Variants in FBN1 observed in about 807,000 individuals in gnomAD.
FBN1 encodes the protein fibrillin-1.
Under a neutral mutation model 365.1 loss-of-function variants are expected in FBN1, and 29 were observed. The ratio of observed to expected loss-of-function variants is 0.08; its 90% CI spans 0.06 to 0.11. The LOEUF is 0.11. Among genes scored for constraint, FBN1 ranks in the 10% least tolerant of loss-of-function variants. FBN1 has a pLI of 1.00. For synonymous variants in FBN1, 1,210 were observed against 1,270.5 expected, an observed-to-expected ratio of 0.95 and a Z score of 1.01; for missense variants, 2,476 against 3,703.2, an observed-to-expected ratio of 0.67 and a Z score of 8.60.
In FBN1 at chr15:48,545,733, A is replaced by G. The variant is rs75635432; in HGVS notation, c.539-7925T>C. 6.7e-3 allele frequency among the ~76,000 whole-genome samples: 1,014 copies of G among 152,308 alleles called. 11 individuals are homozygous for G. The highest frequency in any genetic ancestry group is 0.023 in the African/African-American group (964 of 41,566). On this transcript the variant is annotated intron_variant, in intron 6 of 65. Transcript: ENST00000316623. ...ATGTATACTTTAACACAATAAAAAG[A>G]AAATTCTAGCTGGCACAGTGGCTCA...
intron 32 of FBN1, among the ~76,000 whole-genome samples, chr15:48,479,666 T>C (rs1320699327): frequency 6.6e-6 from 1 of 152,204 alleles, no homozygotes; most frequent in Non-Finnish European, 1.5e-5. Context: ...GTTCATGTGA[T>C]TGACTCAAAG....
In FBN1 at chr15:48,465,875, T is replaced by C; in HGVS notation, c.4748-17A>G. The C allele has an allele frequency of 6.3e-7, 1 of 1,581,730 alleles. No individual in the cohort carries two copies. Among genetic ancestry groups the C allele is most frequent in the Non-Finnish European group, 8.7e-7 (1 of 1,150,940 alleles). On this transcript the variant is annotated splice_polypyrimidine_tract_variant and intron_variant, in intron 38 of 65. Transcript: ENST00000316623. ...TGTACTCGGCTATTGAAACAAAAAT[T>C]CAAATTGAGTTGTTTTGAATCTAAA...
At chr15:48,435,698 GTGTGTATATATA>G (rs2043061963) in intron 53 of FBN1, among the ~76,000 whole-genome samples, 1 of 111,430 alleles carries the variant, frequency 9.0e-6, no homozygotes, top group African/African-American at 3.1e-5. Context: ...GTGCATGTGT[GTGTGTATATATA>G]TGTGTGTATA....
intron 6 of FBN1, among the ~76,000 whole-genome samples, chr15:48,583,076 T>C (rs1386815185): frequency 6.6e-6 from 1 of 152,228 alleles, no homozygotes; most frequent in African/African-American, 2.4e-5. Flanking sequence ...TTCCTACACA[T>C]GCCCTTCTAA....
chr15:48,446,651 A>G, intron 47 of FBN1, 55 bp downstream of exon 47: 1 of 1,020,900 alleles, frequency 9.8e-7, no homozygotes, highest in Admixed American at 1.7e-5. Context: ...TGCTAATTAC[A>G]AAGAACACAT....
At chr15:48,515,356 C>A (rs374491221) in intron 12 of FBN1, 31 bp downstream of exon 12, 1 of 1,613,276 alleles carries the variant, frequency 6.2e-7, no homozygotes, top group Admixed American at 1.7e-5. Flanking sequence ...TACAACAGAC[C>A]CTTGGTGCCA....
At chr15:48,501,359 A>C (rs1361621212) in intron 17 of FBN1, among the ~76,000 whole-genome samples, 1 of 151,768 alleles carries the variant, frequency 6.6e-6, no homozygotes, top group Non-Finnish European at 1.5e-5. Context: ...GCTTTCTCTC[A>C]CTCCTGCATG....
rs1179482983 is a variant in FBN1, at chr15:48,425,325, T to C, written c.7453+44A>G. 5 of 1,613,684 alleles carry C rather than the reference T, an allele frequency of 3.1e-6. No individual in the cohort carries two copies. In the East Asian group the frequency reaches 6.7e-5, roughly 22 times the overall value. ...TCTTACAGGCAAAGGAATGCAGCCA[T>C]GTGTCAGGAGCTAGGTGAGGGGCAA... On this transcript the variant is annotated intron_variant, in intron 60 of 65. Coordinates refer to ENST00000316623, the MANE Select transcript of FBN1 (RefSeq NM_000138.5).
chr15:48,568,134 A>T (rs1489274673), intron 6 of FBN1, among the ~76,000 whole-genome samples: 1 of 146,582 alleles, frequency 6.8e-6, no homozygotes, highest in Non-Finnish European at 1.5e-5. Flanking sequence ...AATCCTAAGG[A>T]ATCTACCAAA....
chr15:48,587,522 G>T (rs1319033407), intron 6 of FBN1, among the ~76,000 whole-genome samples: 3 of 152,068 alleles, frequency 2.0e-5, no homozygotes, highest in Non-Finnish European at 4.4e-5. Context: ...CCACAGAAGG[G>T]CTCCAGTACC....
intron 56 of FBN1, among the ~76,000 whole-genome samples, chr15:48,429,088 T>C (rs1414249275): frequency 6.6e-6 from 1 of 152,232 alleles, no homozygotes; most frequent in Non-Finnish European, 1.5e-5. Flanking sequence ...ACATAGATGG[T>C]AGCATTTTAT....
At chr15:48,620,598 T>C (rs946259231) in intron 2 of FBN1, among the ~76,000 whole-genome samples, 3 of 152,160 alleles carry the variant, frequency 2.0e-5, no homozygotes, top group African/African-American at 7.2e-5. Flanking sequence ...ATTACAATCT[T>C]CATTTTTTGT....
chr15:48,421,136 A>G (rs2042938545), intron 62 of FBN1, among the ~76,000 whole-genome samples: 1 of 151,988 alleles, frequency 6.6e-6, no homozygotes, highest in Admixed American at 6.6e-5. Flanking sequence ...TGTCAAAGCC[A>G]CAGTCAACTT....
intron 6 of FBN1, among the ~76,000 whole-genome samples, chr15:48,564,870 C>T (rs2140662359): frequency 6.6e-6 from 1 of 152,296 alleles, no homozygotes; most frequent in South Asian, 2.1e-4. Context: ...ACCTTTCCCC[C>T]AGGCTATCTA....
Position 48,644,759 on chromosome 15 carries a change from C to T in FBN1, c.11G>A (p.Gly4Glu). ...TCCCAGGGCGATCTCCAGCAGACGC[C>T]CTCGACGCATGATGCCGAGCCGCCA... Reference protein sequence around the residue: MRRGRLLEIALGFT... With the variant: MRRERLLEIALGFT... The change falls in exon 2 of 66, where the codon GGG becomes GAG. Residue 4 changes from glycine to glutamate, a missense_variant. This residue lies in a region of FBN1 where 76 missense variants were observed against 85.4 expected (regional missense o/e 0.89). Coordinates refer to ENST00000316623, the MANE Select transcript of FBN1 (RefSeq NM_000138.5). 1 of 1,611,242 alleles carries T rather than the reference C, an allele frequency of 6.2e-7. No homozygotes were observed. The highest frequency in any genetic ancestry group is 1.1e-5 in the South Asian group (1 of 91,072).
At chr15:48,464,613 T>G (rs1385818243) in intron 40 of FBN1, among the ~76,000 whole-genome samples, 1 of 152,140 alleles carries the variant, frequency 6.6e-6, no homozygotes, top group Non-Finnish European at 1.5e-5. Context: ...CCTAATAAAT[T>G]AACCTATAAT....
chr15:48,436,334 A>T (rs958327187), intron 53 of FBN1, among the ~76,000 whole-genome samples: 2 of 152,134 alleles, frequency 1.3e-5, no homozygotes, highest in African/African-American at 4.8e-5. Context: ...CTTGTATGGA[A>T]AAAGTACTTT....
chr15:48,529,046 A>T (rs1278807119), intron 8 of FBN1: 2 of 152,162 alleles, frequency 1.3e-5, no homozygotes, highest in Non-Finnish European at 2.9e-5. Context: ...TTTTAATTGA[A>T]TTTGAGGCAT....
chr15:48,497,070 C>T (rs957194459), intron 19 of FBN1, among the ~76,000 whole-genome samples, 196 bp downstream of exon 19: 3 of 152,128 alleles, frequency 2.0e-5, no homozygotes, highest in Non-Finnish European at 2.9e-5. Flanking sequence ...TCTGATACAT[C>T]GTTATTCATA....
Sources: gnomAD v4.1 joint callset for allele counts (sites outside exome capture counted in the v4.1 genomes callset) on GRCh38, gnomAD v4.1.1 for gene constraint, gnomAD v4.1.1 regional missense constraint, MANE v1.5 for transcripts, NCBI Gene and HGNC (gene_info 2026-07-23, HGNC 2026-07-21) for gene names.